Variants in KIAA0586 observed in about 807,000 individuals in gnomAD.
The protein encoded by KIAA0586 is KIAA0586.
Under a neutral mutation model 169.8 loss-of-function variants are expected in KIAA0586, and 144 were observed. The observed-to-expected ratio is 0.85, with a 90% confidence interval of 0.74 to 0.97. The LOEUF (loss-of-function observed/expected upper bound fraction) is 0.97. KIAA0586 is among the 50% of genes least tolerant of loss of function. The pLI is 0.00. For synonymous variants in KIAA0586, 625 were observed against 612.4 expected (o/e 1.02, Z -0.30); for missense variants, 1,854 against 1,823.0 (o/e 1.02, Z -0.31).
chr14:58,471,270 C>T (rs1368121133), intron 17 of KIAA0586, among the ~76,000 whole-genome samples: 5 of 149,862 alleles, frequency 3.3e-5, no homozygotes, highest in Non-Finnish European at 5.9e-5. Flanking sequence ...GTGAAACTCT[C>T]ATGTGAAGAA....
intron 28 of KIAA0586, among the ~76,000 whole-genome samples, chr14:58,512,186 A>T (rs2044436204): frequency 6.6e-6 from 1 of 152,168 alleles, no homozygotes; most frequent in Non-Finnish European, 1.5e-5. Context: ...TTAAGTTCTT[A>T]TCCTGTCTAA....
chr14:58,482,705 A>C lies in KIAA0586; in HGVS notation c.3137A>C (p.Tyr1046Ser), dbSNP rs1031824588. ...VSGDASTNET[Y>S]LPARVCTPLP... is the part of the protein sequence containing the mutation. ...GGGGATGCTTCAACAAATGAAACAT[A>C]TTTGCCGGTATGGGGAATTTTTGAG... Residue 1046 changes from tyrosine to serine, a missense_variant, in exon 21 of 31, where the codon TAT (tyrosine) becomes TCT (serine). Physicochemically the swap from Tyr to Ser is moderately radical, Grantham distance 144. Transcript: ENST00000652326. 1 of 1,556,948 alleles carries C rather than the reference A, an allele frequency of 6.4e-7. No individual in the cohort carries two copies. Among genetic ancestry groups the C allele is most frequent in the African/African-American group, 1.4e-5 (1 of 72,252 alleles).
chr14:58,430,169 C>CTT (rs71448954), intron 2 of KIAA0586, among the ~76,000 whole-genome samples: 1 of 140,852 alleles, frequency 7.1e-6, no homozygotes, highest in Non-Finnish European at 1.6e-5. Context: ...GTTGTTTTGT[C>CTT]TTTTTTTTTT....
At chr14:58,529,958 C>G (rs932737690) in intron 29 of KIAA0586, among the ~76,000 whole-genome samples, 1 of 152,164 alleles carries the variant, frequency 6.6e-6, no homozygotes, top group Non-Finnish European at 1.5e-5. Flanking sequence ...TTAGAAAACT[C>G]CATCATCTCA....
At chr14:58,547,246 T>C (rs2047041190) in intron 30 of KIAA0586, among the ~76,000 whole-genome samples, 1 of 152,140 alleles carries the variant, frequency 6.6e-6, no homozygotes. Context: ...ATTTACTTAA[T>C]GGTAACAGTA....
intron 4 of KIAA0586, among the ~76,000 whole-genome samples, chr14:58,435,412 C>G (rs1383463556): frequency 2.6e-5 from 4 of 152,140 alleles, no homozygotes; most frequent in Non-Finnish European, 5.9e-5. Flanking sequence ...GTGTAGTGAT[C>G]AGATCATGGT....
At chr14:58,539,801 G>C (rs1220002969) in intron 29 of KIAA0586, 1 of 262,830 alleles carries the variant, frequency 3.8e-6, no homozygotes, top group Non-Finnish European at 7.1e-6. Context: ...ACAAATTTCA[G>C]ATTTTCTCAT....
Position 58,477,209 on chromosome 14 carries a change from G to T in KIAA0586, c.2912G>T (p.Ser971Ile), listed in dbSNP as rs3783696. ...GCACCTAGTATCAGTGTTTCAGTCA[G>T]TGAGACAAGTGAACCACTGACTTCT... ...QIAPSISVSVSETSEPLTSDI... is the reference protein window; with the variant it reads ...QIAPSISVSVIETSEPLTSDI... The change falls in exon 20 of 31, where the codon AGT becomes ATT. Residue 971 changes from serine to isoleucine, a missense_variant. Ser to Ile is a moderately radical substitution (Grantham distance 142). Transcript: ENST00000652326. 6.4e-7 allele frequency: 1 copy of T among 1,570,124 alleles called. No individual in the cohort carries two copies. The highest frequency in any genetic ancestry group is 1.2e-5 in the South Asian group (1 of 85,798).
chr14:58,556,535 C>G, the KIAA0586 span, among the ~76,000 whole-genome samples: 353 of 152,214 alleles, frequency 2.3e-3, 3 homozygotes, highest in African/African-American at 7.3e-3. Flanking sequence ...TCCTAGCAAC[C>G]CAGAAGGTTC....
At chr14:58,518,882 A>C (rs1344154087) in intron 29 of KIAA0586, among the ~76,000 whole-genome samples, 1 of 152,184 alleles carries the variant, frequency 6.6e-6, no homozygotes, top group Non-Finnish European at 1.5e-5. Context: ...CTATAATCCC[A>C]ACACTTTGAG....
At chr14:58,538,052 GTGGCAGGA>G (rs1397929127) in intron 29 of KIAA0586, among the ~76,000 whole-genome samples, 2 of 152,118 alleles carry the variant, frequency 1.3e-5, no homozygotes, top group Non-Finnish European at 2.9e-5. Context: ...GAAGGCTGAG[GTGGCAGGA>G]TGGCAGGATC....
chr14:58,448,046 A>T (rs534454669), intron 6 of KIAA0586, among the ~76,000 whole-genome samples: 1 of 152,142 alleles, frequency 6.6e-6, no homozygotes, highest in Non-Finnish European at 1.5e-5. Context: ...GCCGGCTGCA[A>T]TGGCCCCTGA....
downstream of KIAA0586, among the ~76,000 whole-genome samples, chr14:58,551,590 C>T (rs1264130797): frequency 2.6e-5 from 4 of 151,916 alleles, no homozygotes; most frequent in Non-Finnish European, 4.4e-5. Flanking sequence ...GGTGAAACCC[C>T]GTCTCTACCA....
In KIAA0586 at chr14:58,474,732, C is replaced by T; in HGVS notation, c.2760C>T (p.Pro920=). 6.2e-7 allele frequency: 1 copy of T among 1,613,012 alleles called. No individual in the cohort carries two copies. Among genetic ancestry groups the T allele is most frequent in the Non-Finnish European group, 8.5e-7 (1 of 1,179,424 alleles). ...PFPPVASTFQ[P]TADILDKVIE... Reference sequence around the variant, plus strand: ...CGCCAGTTGCTTCTACTTTTCAGCCCACTGCTGATATTCTGGATAAAGTAA... The same window carrying T: ...CGCCAGTTGCTTCTACTTTTCAGCCTACTGCTGATATTCTGGATAAAGTAA... The change falls in exon 19 of 31, where the codon CCC becomes CCT. Residue 920 remains proline (P), a synonymous_variant. Coordinates refer to ENST00000652326, the MANE Select transcript of KIAA0586 (RefSeq NM_001329943.3).
At position 58,540,142 on chromosome 14, in the gene KIAA0586, AT is replaced by A; in HGVS notation, c.4495+11del. 6.6e-7 allele frequency: 1 copy of A among 1,515,534 alleles called. No individual in the cohort carries two copies. The highest frequency in any genetic ancestry group is 9.0e-7 in the Non-Finnish European group (1 of 1,114,216). 93.9% of individuals were successfully genotyped at this position (1,515,534 alleles called of 1,614,324 possible). A position where few individuals can be genotyped will look rare whatever the true frequency, so the allele number is the denominator to read the frequency against. On this transcript the variant is annotated splice_region_variant and intron_variant, in intron 30 of 30. Coordinates refer to ENST00000652326, the MANE Select transcript of KIAA0586 (RefSeq NM_001329943.3). ...CCTCACATGTGTATTTTCAGGTAAG[AT>A]TTTTACTTTAAAAGTTCTTGAACTT...
chr14:58,531,513 G>A (rs2045968738), intron 29 of KIAA0586, among the ~76,000 whole-genome samples: 1 of 152,062 alleles, frequency 6.6e-6, no homozygotes, highest in Non-Finnish European at 1.5e-5. Flanking sequence ...AGTTAGAATG[G>A]CGATCATTAG....
At chr14:58,533,997 C>T (rs2046139990) in intron 29 of KIAA0586, among the ~76,000 whole-genome samples, 1 of 152,104 alleles carries the variant, frequency 6.6e-6, no homozygotes, top group Admixed American at 6.5e-5. Flanking sequence ...GAACTGGTCA[C>T]TATGTCACAT....
Position 58,491,999 on chromosome 14 carries a change from A to G in KIAA0586, c.3859-145A>G, listed in dbSNP as rs376908414. 7 of 582,240 alleles carry G rather than the reference A, an allele frequency of 1.2e-5. 1 individual carries two copies. Among genetic ancestry groups the G allele is most frequent in the East Asian group, 3.0e-5 (1 of 32,986 alleles). The allele number at this position is 582,240 out of a possible 1,614,324, so 36.1% of individuals were successfully genotyped here. ...TTATAGACAAATGGAAATGAGAACT[A>G]GATGAAAATAAAGAGTTCATCTCCT... On this transcript the variant is annotated intron_variant, in intron 25 of 30. Transcript: ENST00000652326.
At chr14:58,503,871 A>G (rs2043753638) in intron 27 of KIAA0586, among the ~76,000 whole-genome samples, 1 of 152,006 alleles carries the variant, frequency 6.6e-6, no homozygotes, top group Non-Finnish European at 1.5e-5. Flanking sequence ...AAAGAATTAG[A>G]GCTTAAGATG....
Sources: gnomAD v4.1 joint callset for allele counts (sites outside exome capture counted in the v4.1 genomes callset) on GRCh38, gnomAD v4.1.1 for gene constraint, MANE v1.5 for transcripts, NCBI Gene and HGNC (gene_info 2026-07-23, HGNC 2026-07-21) for gene names.